ZNF609: variants seen among roughly 807,000 people sequenced by gnomAD.
ZNF609 encodes zinc finger protein 609.
ZNF609 carries 11 observed loss-of-function variants against 109.5 expected under a neutral mutation model. The ratio of observed to expected loss-of-function variants is 0.10; its 90% CI spans 0.06 to 0.17. The LOEUF is 0.17. Among genes scored for constraint, ZNF609 ranks in the 10% least tolerant of loss-of-function variants. The pLI, the probability that ZNF609 is intolerant of heterozygous loss-of-function variation, is 1.00. For missense variants in ZNF609, 1,559 were observed against 1,772.4 expected, an observed-to-expected ratio of 0.88 and a Z score of 2.16; for synonymous variants, 646 against 662.0, an observed-to-expected ratio of 0.98 and a Z score of 0.37.
chr15:64,510,494 C>A (rs1893708853), intron 2 of ZNF609, among the ~76,000 whole-genome samples: 1 of 152,138 alleles, frequency 6.6e-6, no homozygotes, highest in East Asian at 1.9e-4. Context: ...GTGTGAGTCA[C>A]CATGCTCACA....
rs1268162031 is a variant in ZNF609 at position 64,670,365 on chromosome 15, A to C, written c.993A>C (p.Val331=). The change falls in exon 4 of 10, where the codon GTA becomes GTC. Residue 331 remains valine, a synonymous_variant. Transcript: ENST00000326648. The part of the protein sequence containing the change: ...ETEDGMLVVN[V]TWRNKTYVGT... ...TTCCAGGGATGTTGGTGGTAAATGT[A>C]ACGTGGAGGAACAAGACATATGTAG... 1.2e-6 allele frequency: 2 copies of C among 1,614,134 alleles called. No individual in the cohort carries two copies. Among genetic ancestry groups the C allele is most frequent in the African/African-American group, 2.7e-5 (2 of 75,062 alleles).
intron 2 of ZNF609, among the ~76,000 whole-genome samples, chr15:64,578,616 C>A (rs780916208): frequency 4.6e-5 from 7 of 152,100 alleles, no homozygotes; most frequent in Non-Finnish European, 1.0e-4. Flanking sequence ...TAGCTTGAAC[C>A]CGGGAGGTGG....
At chr15:64,622,794 C>T in intron 2 of ZNF609, 33 bp from the exon 3 acceptor site, 3 of 1,573,150 alleles carry the variant, frequency 1.9e-6, no homozygotes, top group Non-Finnish European at 2.6e-6. Context: ...GTTCTCCCTG[C>T]AACTCAGCTA....
At chr15:64,628,694 C>T (rs1467000142) in intron 3 of ZNF609, among the ~76,000 whole-genome samples, 4 of 152,192 alleles carry the variant, frequency 2.6e-5, no homozygotes, top group East Asian at 3.9e-4. Context: ...GGCGTGATCT[C>T]GGCTCACTGC....
intron 2 of ZNF609, chr15:64,592,902 G>A (rs948405147): frequency 1.4e-6 from 1 of 720,198 alleles, no homozygotes. Context: ...AACAGAGCAA[G>A]ACTCTTGTCT....
At chr15:64,542,686 C>T (rs970909935) in intron 2 of ZNF609, among the ~76,000 whole-genome samples, 2 of 152,156 alleles carry the variant, frequency 1.3e-5, no homozygotes, top group Non-Finnish European at 2.9e-5. Flanking sequence ...ATCTTAGACT[C>T]TCCTTTTCAC....
intron 2 of ZNF609, among the ~76,000 whole-genome samples, chr15:64,614,049 C>T (rs931266167): frequency 2.0e-5 from 3 of 150,748 alleles, no homozygotes; most frequent in Admixed American, 2.0e-4. Context: ...TCCCAAGTAG[C>T]TGGCATTAAA....
intron 6 of ZNF609, among the ~76,000 whole-genome samples, chr15:64,679,655 A>G (rs1896853588): frequency 6.6e-6 from 1 of 152,240 alleles, no homozygotes; most frequent in Non-Finnish European, 1.5e-5. Context: ...TATAAAAATC[A>G]TAGTTGCATT....
At chr15:64,521,064 A>G (rs971393134) in intron 2 of ZNF609, among the ~76,000 whole-genome samples, 6 of 152,132 alleles carry the variant, frequency 3.9e-5, no homozygotes, top group Admixed American at 6.6e-5. Context: ...GTCCTTCCAT[A>G]TTAGATAATG....
intron 3 of ZNF609, among the ~76,000 whole-genome samples, chr15:64,626,394 C>T (rs1185536109): frequency 6.6e-6 from 1 of 152,124 alleles, no homozygotes; most frequent in Non-Finnish European, 1.5e-5. Context: ...CGAGTCAGTC[C>T]TCAAGTTAAT....
At chr15:64,469,055 A>AC (rs1480712465) in intron 1 of ZNF609, among the ~76,000 whole-genome samples, 3 of 135,882 alleles carry the variant, frequency 2.2e-5, no homozygotes, top group African/African-American at 7.7e-5. Flanking sequence ...AAAAAAAAAA[A>AC]ACAACACAAT....
chr15:64,500,315 T>G, intron 2 of ZNF609, 149 bp downstream of exon 2: 1 of 1,126,596 alleles, frequency 8.9e-7, no homozygotes, highest in Admixed American at 2.0e-5. Flanking sequence ...AATGATAATG[T>G]GGTTTTCTTC....
At position 64,514,370 on chromosome 15, in the gene ZNF609, T is replaced by G. The variant is rs543329974; in HGVS notation, c.747+14204T>G. ...AATGAATATAGCTTAATGTAATGAT[T>G]ATTGTAATATTTACATTTCAGTTCC... On this transcript the variant is annotated intron_variant, in intron 2 of 9. Transcript: ENST00000326648. Among the ~76,000 whole-genome samples the G allele has an allele frequency of 9.8e-5, 15 of 152,330 alleles. No individual in the cohort carries two copies. The South Asian group carries it at 3.1e-3, about 32-fold the overall frequency.
intron 3 of ZNF609, among the ~76,000 whole-genome samples, chr15:64,653,651 AAAAT>A (rs199717971): frequency 0.015 from 2,310 of 152,196 alleles, 63 homozygotes; most frequent in African/African-American, 0.051. Context: ...GTCTCCAAAA[AAAAT>A]AAATAAATAA....
intron 1 of ZNF609, among the ~76,000 whole-genome samples, chr15:64,489,113 T>TA (rs900329503): frequency 1.8e-4 from 27 of 147,460 alleles, no homozygotes; most frequent in African/African-American, 4.7e-4. Context: ...TGTCTCAAAA[T>TA]AAAAAAAAAG....
intron 8 of ZNF609, 55 bp downstream of exon 8, chr15:64,680,917 T>A: frequency 6.3e-7 from 1 of 1,585,598 alleles, no homozygotes; most frequent in Non-Finnish European, 8.6e-7. Context: ...TTTGTTTATC[T>A]TCATCCCAGT....
intron 2 of ZNF609, among the ~76,000 whole-genome samples, chr15:64,534,981 C>A (rs541594422): frequency 6.6e-6 from 1 of 151,448 alleles, no homozygotes; most frequent in Non-Finnish European, 1.5e-5. Flanking sequence ...TGCAGTGAGC[C>A]GAGATCATGC....
At chr15:64,576,945 T>C (rs1274970112) in intron 2 of ZNF609, among the ~76,000 whole-genome samples, 59 of 78,476 alleles carry the variant, frequency 7.5e-4, no homozygotes, top group African/African-American at 2.2e-3. Context: ...CATATAAATA[T>C]ATACATATAT....
At chr15:64,554,551 C>T (rs936490494) in intron 2 of ZNF609, among the ~76,000 whole-genome samples, 20 of 152,022 alleles carry the variant, frequency 1.3e-4, no homozygotes, top group African/African-American at 4.8e-4. Context: ...GTCCCAGCTA[C>T]TCTGGAGGCT....
Sources: gnomAD v4.1 joint callset for allele counts (sites outside exome capture counted in the v4.1 genomes callset) on GRCh38, gnomAD v4.1.1 for gene constraint, MANE v1.5 for transcripts, NCBI Gene and HGNC (gene_info 2026-07-23, HGNC 2026-07-21) for gene names.